DOK6: variants seen among roughly 807,000 people sequenced by gnomAD.
The protein encoded by DOK6 is docking protein 6.
In DOK6, 22 loss-of-function variants were observed where a neutral mutation model predicts 44.0. The ratio of observed to expected loss-of-function variants is 0.50; its 90% CI spans 0.36 to 0.71. DOK6 has a LOEUF of 0.71. DOK6 is among the 30% of genes least tolerant of loss of function. The pLI is 0.00. For synonymous variants in DOK6, 166 were observed against 145.5 expected, an observed-to-expected ratio of 1.14 and a Z score of -1.01; for missense variants, 340 against 416.4, an observed-to-expected ratio of 0.82 and a Z score of 1.60.
At chr18:69,616,878 T>C (rs1461775145) in intron 3 of DOK6, among the ~76,000 whole-genome samples, 1 of 152,250 alleles carries the variant, frequency 6.6e-6, no homozygotes, top group Non-Finnish European at 1.5e-5. Flanking sequence ...TTTATGCATA[T>C]ATAAACAAAA....
intron 1 of DOK6, among the ~76,000 whole-genome samples, chr18:69,551,879 T>C (rs975663114): frequency 6.6e-6 from 1 of 152,224 alleles, no homozygotes; most frequent in Non-Finnish European, 1.5e-5. Context: ...ATTAATGTTC[T>C]TACGTTTAGA....
chr18:69,715,999 T>A (rs1349224844), intron 5 of DOK6, among the ~76,000 whole-genome samples: 2 of 152,236 alleles, frequency 1.3e-5, no homozygotes, highest in Non-Finnish European at 2.9e-5. Context: ...GTTATTCTGC[T>A]AGAATTAATT....
At chr18:69,469,693 TG>T (rs1980035528) in intron 1 of DOK6, 1 of 269,592 alleles carries the variant, frequency 3.7e-6, no homozygotes. Flanking sequence ...TACGCTGCTG[TG>T]GGGATGCCGT....
intron 4 of DOK6, among the ~76,000 whole-genome samples, chr18:69,687,421 C>G (rs182841684): frequency 1.3e-5 from 2 of 152,160 alleles, no homozygotes; most frequent in East Asian, 3.8e-4. Flanking sequence ...GTGGCTCACA[C>G]CTGTGATCTC....
intron 1 of DOK6, among the ~76,000 whole-genome samples, chr18:69,404,041 A>G (rs959237635): frequency 6.6e-6 from 1 of 152,238 alleles, no homozygotes; most frequent in African/African-American, 2.4e-5. Context: ...TATTATGGAC[A>G]GTACTCATGC....
chr18:69,739,423 G>A (rs1978728292), intron 6 of DOK6, among the ~76,000 whole-genome samples: 1 of 152,188 alleles, frequency 6.6e-6, no homozygotes, highest in Non-Finnish European at 1.5e-5. Flanking sequence ...TGGACAATCA[G>A]ATTTAAATAT....
intron 1 of DOK6, among the ~76,000 whole-genome samples, chr18:69,483,388 G>A (rs900384925): frequency 4.6e-5 from 7 of 151,966 alleles, no homozygotes; most frequent in Admixed American, 1.3e-4. Context: ...TGCCATAAAA[G>A]GAGTAATTGC....
At chr18:69,605,162 A>T in intron 3 of DOK6, among the ~76,000 whole-genome samples, 1 of 150,542 alleles carries the variant, frequency 6.6e-6, no homozygotes, top group South Asian at 2.1e-4. Flanking sequence ...ATTTTGCAGC[A>T]TTCAAGAAGT....
intron 1 of DOK6, among the ~76,000 whole-genome samples, chr18:69,434,933 AGG>A (rs1978909648): frequency 4.5e-5 from 1 of 22,320 alleles, no homozygotes; most frequent in Non-Finnish European, 9.4e-5. Flanking sequence ...GAAAAAAGGG[AGG>A]GAGGGAGGGA....
intron 1 of DOK6, among the ~76,000 whole-genome samples, chr18:69,540,537 T>G (rs901763165): frequency 7.9e-5 from 12 of 152,214 alleles, no homozygotes; most frequent in Non-Finnish European, 1.5e-4. Context: ...TTGTATTAAG[T>G]CATAATCTAT....
At chr18:69,570,782 A>G (rs1391250517) in intron 2 of DOK6, among the ~76,000 whole-genome samples, 1 of 152,130 alleles carries the variant, frequency 6.6e-6, no homozygotes, top group Non-Finnish European at 1.5e-5. Flanking sequence ...CACACAAAAA[A>G]GTATCTTCAA....
rs1218710692 is a variant in DOK6 at position 69,806,391 on chromosome 18, A to G, written c.857-34853A>G. Among the ~76,000 whole-genome samples the G allele has an allele frequency of 2.0e-5, 3 of 152,124 alleles. No homozygotes were observed. In the East Asian group the frequency reaches 5.8e-4, roughly 29 times the overall value. ...GGCACTTTCTAACTTTTAATAATGT[A>G]AAAGGTTAAACACTCAATGCAAATG... is the stretch of plus-strand genomic sequence containing the variant. On this transcript the variant is annotated intron_variant, in intron 7 of 7. Coordinates refer to ENST00000382713, the MANE Select transcript of DOK6 (RefSeq NM_152721.6).
intron 7 of DOK6, among the ~76,000 whole-genome samples, chr18:69,835,574 C>G (rs903920061): frequency 2.4e-4 from 37 of 152,314 alleles, no homozygotes; most frequent in South Asian, 1.2e-3. Flanking sequence ...CAAGTCGTTC[C>G]TTCCATTCTG....
intron 5 of DOK6, among the ~76,000 whole-genome samples, chr18:69,717,133 A>G (rs2144720357): frequency 6.6e-6 from 1 of 152,352 alleles, no homozygotes; most frequent in Admixed American, 6.5e-5. Flanking sequence ...TCTAAAGAAT[A>G]ATTCTGTCAC....
chr18:69,708,293 G>A (rs1986679959), intron 5 of DOK6, among the ~76,000 whole-genome samples: 3 of 152,170 alleles, frequency 2.0e-5, no homozygotes, highest in East Asian at 3.8e-4. Context: ...AATATTGTCT[G>A]AGCAATCGTG....
chr18:69,628,879 T>C (rs1482612365), intron 3 of DOK6, among the ~76,000 whole-genome samples: 1 of 152,064 alleles, frequency 6.6e-6, no homozygotes, highest in Non-Finnish European at 1.5e-5. Flanking sequence ...GCATGTACAT[T>C]TAAGAGTTAA....
At chr18:69,514,694 A>G (rs1469195777) in intron 1 of DOK6, among the ~76,000 whole-genome samples, 1 of 149,514 alleles carries the variant, frequency 6.7e-6, no homozygotes, top group Non-Finnish European at 1.5e-5. Flanking sequence ...TTTCATCTAA[A>G]CAAATTTGGG....
intron 1 of DOK6, among the ~76,000 whole-genome samples, chr18:69,516,630 G>A (rs971220885): frequency 2.0e-5 from 3 of 151,832 alleles, no homozygotes; most frequent in African/African-American, 7.3e-5. Flanking sequence ...CTTCTTTAAT[G>A]TTGTTTTGGC....
intron 1 of DOK6, among the ~76,000 whole-genome samples, chr18:69,543,453 T>C (rs1982321409): frequency 6.6e-6 from 1 of 151,558 alleles, no homozygotes; most frequent in Non-Finnish European, 1.5e-5. Flanking sequence ...GACAAACATA[T>C]ACAACCTCTC....
Sources: allele counts gnomAD v4.1 joint callset (sites outside exome capture counted in the v4.1 genomes callset), GRCh38; gene constraint gnomAD v4.1.1; transcripts MANE v1.5; gene names NCBI Gene and HGNC (gene_info 2026-07-23, HGNC 2026-07-21).